Variants in PRDM16 observed in about 807,000 individuals in gnomAD.
The protein encoded by PRDM16 is histone-lysine N-methyltransferase PRDM16.
PRDM16 carries 23 observed loss-of-function variants against 110.6 expected under a neutral mutation model. The ratio of observed to expected loss-of-function variants is 0.21; its 90% CI spans 0.15 to 0.29. The LOEUF (loss-of-function observed/expected upper bound fraction) is 0.29. Ranked by LOEUF, PRDM16 falls within the 10% of genes least tolerant of loss-of-function variation. PRDM16 has a pLI of 1.00. For synonymous variants in PRDM16, 799 were observed against 781.8 expected (o/e 1.02, Z -0.37); for missense variants, 1,615 against 1,794.3 (o/e 0.90, Z 1.81).
intron 5 of PRDM16, among the ~76,000 whole-genome samples, chr1:3,399,533 C>T (rs964067482): frequency 2.6e-5 from 4 of 152,172 alleles, no homozygotes; most frequent in Non-Finnish European, 5.9e-5. Context: ...CTGTACCCGG[C>T]TCTGTCCTCT....
At chr1:3,079,887 A>G (rs1255394113) in intron 1 of PRDM16, among the ~76,000 whole-genome samples, 1 of 152,178 alleles carries the variant, frequency 6.6e-6, no homozygotes, top group Non-Finnish European at 1.5e-5. Context: ...AACATCGCAC[A>G]CTTCCCTGCC....
chr1:3,096,410 G>A (rs903790738), intron 1 of PRDM16, among the ~76,000 whole-genome samples: 6 of 152,142 alleles, frequency 3.9e-5, no homozygotes, highest in Non-Finnish European at 7.4e-5. Flanking sequence ...TGGCCAAGTC[G>A]GAGCCATAGG....
intron 1 of PRDM16, among the ~76,000 whole-genome samples, chr1:3,171,928 GC>G (rs1557500586): frequency 6.6e-6 from 1 of 152,204 alleles, no homozygotes; most frequent in East Asian, 1.9e-4. Context: ...CCAGGTGCAA[GC>G]CCCCCGGCCT....
At chr1:3,401,227 G>A (rs1343697919) in intron 5 of PRDM16, among the ~76,000 whole-genome samples, 1 of 152,170 alleles carries the variant, frequency 6.6e-6, no homozygotes, top group African/African-American at 2.4e-5. Flanking sequence ...CTTTCCTTAG[G>A]ACTCTAAAAG....
At chr1:3,132,733 T>C (rs934591729) in intron 1 of PRDM16, among the ~76,000 whole-genome samples, 4 of 152,164 alleles carry the variant, frequency 2.6e-5, no homozygotes, top group South Asian at 4.1e-4. Flanking sequence ...ATAGAAATTA[T>C]GTTGGAAGTA....
intron 1 of PRDM16, among the ~76,000 whole-genome samples, chr1:3,174,208 T>A (rs759690802): frequency 6.6e-6 from 1 of 152,166 alleles, no homozygotes; most frequent in African/African-American, 2.4e-5. Flanking sequence ...TCTGTCATCA[T>A]ATGGGTGTCA....
intron 3 of PRDM16, among the ~76,000 whole-genome samples, chr1:3,349,021 G>A (rs1642421651): frequency 6.6e-6 from 1 of 152,160 alleles, no homozygotes; most frequent in Non-Finnish European, 1.5e-5. Context: ...CCTGCCTTTG[G>A]TGGGGGTGGG....
rs529647877 is a variant in PRDM16 at position 3,402,976 on chromosome 1, C to T, written c.862C>T (p.Arg288Trp). Residue 288 changes from arginine to tryptophan, a missense_variant, in exon 6 of 17, where the codon CGG (arginine) becomes TGG (tryptophan). Physicochemically the swap from Arg to Trp is moderately radical, Grantham distance 101. Coordinates refer to ENST00000270722, the MANE Select transcript of PRDM16 (RefSeq NM_022114.4). ...AGCCCACGAGTGCAAGGACTGCGAG[C>T]GGATGTTCCCCAACAAGTACAGGTG... ...GQAHECKDCE[R>W]MFPNKYSLEQ... 5.0e-6 allele frequency: 8 copies of T among 1,611,712 alleles called. No individual in the cohort carries two copies. The highest frequency in any genetic ancestry group is 3.3e-5 in the South Asian group (3 of 91,048).
rs1191678122 is a variant in PRDM16 at position 3,438,106 on chromosome 1, T to A, written c.*4295T>A. 1 of 205,936 alleles carries A rather than the reference T, an allele frequency of 4.9e-6. No individual in the cohort carries two copies. The highest frequency in any genetic ancestry group is 9.9e-6 in the Non-Finnish European group (1 of 100,836). The allele number at this position is 205,936 out of a possible 1,614,324, so 12.8% of individuals were successfully genotyped here. ...CAAATGTAAATGTCTGGTTTTCATA[T>A]AATGTTTAAAAAGACCATTGAGAAG... is the stretch of plus-strand genomic sequence containing the variant. On this transcript the variant is annotated 3_prime_UTR_variant, in exon 17 of 17. Transcript: ENST00000270722.
intron 2 of PRDM16, among the ~76,000 whole-genome samples, chr1:3,199,112 G>A (rs182152152): frequency 4.0e-4 from 61 of 152,308 alleles, no homozygotes; most frequent in African/African-American, 1.4e-3. Context: ...GGAGGCTGGA[G>A]AGAGTGCTGT....
At chr1:3,170,719 C>T (rs1319503487) in intron 1 of PRDM16, among the ~76,000 whole-genome samples, 1 of 152,156 alleles carries the variant, frequency 6.6e-6, no homozygotes, top group African/African-American at 2.4e-5. Flanking sequence ...AAGGGAGGGC[C>T]TGCACCCACC....
At chr1:3,095,710 G>T (rs768766239) in intron 1 of PRDM16, among the ~76,000 whole-genome samples, 1 of 152,100 alleles carries the variant, frequency 6.6e-6, no homozygotes, top group Non-Finnish European at 1.5e-5. Flanking sequence ...CTCTGGCCTC[G>T]GCCAGGAGGG....
At chr1:3,349,310 G>A (rs1450035157) in intron 3 of PRDM16, among the ~76,000 whole-genome samples, 1 of 152,172 alleles carries the variant, frequency 6.6e-6, no homozygotes, top group Non-Finnish European at 1.5e-5. Flanking sequence ...GGCCGCACCG[G>A]CACGCTGTGA....
At chr1:3,111,836 G>A (rs1479958483) in intron 1 of PRDM16, among the ~76,000 whole-genome samples, 1 of 152,224 alleles carries the variant, frequency 6.6e-6, no homozygotes, top group African/African-American at 2.4e-5. Flanking sequence ...TCACTGGACA[G>A]CGCCACGATA....
At chr1:3,260,449 G>A (rs1005923370) in intron 3 of PRDM16, among the ~76,000 whole-genome samples, 7 of 152,082 alleles carry the variant, frequency 4.6e-5, no homozygotes, top group African/African-American at 7.2e-5. Context: ...TAATTTCTTC[G>A]TCTGTAAAGT....
intron 1 of PRDM16, among the ~76,000 whole-genome samples, chr1:3,162,523 CACG>C (rs1203390599): frequency 6.6e-6 from 1 of 152,062 alleles, no homozygotes; most frequent in Non-Finnish European, 1.5e-5. Flanking sequence ...GTCGCAGGCC[CACG>C]AAGGTCGTCA....
intron 3 of PRDM16, among the ~76,000 whole-genome samples, chr1:3,252,625 C>T (rs1055952599): frequency 5.3e-5 from 8 of 152,146 alleles, no homozygotes; most frequent in African/African-American, 1.9e-4. Context: ...GGCTGGTGGG[C>T]AGCAGGGTGG....
At chr1:3,252,156 C>T (rs1639948197) in intron 3 of PRDM16, among the ~76,000 whole-genome samples, 1 of 152,212 alleles carries the variant, frequency 6.6e-6, no homozygotes, top group Admixed American at 6.5e-5. Context: ...CATGCTGTGC[C>T]CCCCTCTTCC....
At chr1:3,415,044 T>C (rs1643756452) in intron 10 of PRDM16, among the ~76,000 whole-genome samples, 1 of 152,168 alleles carries the variant, frequency 6.6e-6, no homozygotes, top group Non-Finnish European at 1.5e-5. Flanking sequence ...GACCTGAGTA[T>C]GTTCAAATGG....
Sources: allele counts gnomAD v4.1 joint callset (sites outside exome capture counted in the v4.1 genomes callset), GRCh38; gene constraint gnomAD v4.1.1; transcripts MANE v1.5; gene names NCBI Gene and HGNC (gene_info 2026-07-23, HGNC 2026-07-21).